Variants in NAALADL2 observed in about 807,000 individuals in gnomAD.
The protein encoded by NAALADL2 is inactive N-acetylated-alpha-linked acidic dipeptidase-like protein 2.
Under a neutral mutation model 87.2 loss-of-function variants are expected in NAALADL2, and 76 were observed. The ratio of observed to expected loss-of-function variants is 0.87; its 90% CI spans 0.72 to 1.05. The LOEUF (loss-of-function observed/expected upper bound fraction) is 1.05. Ranked by LOEUF, NAALADL2 falls within the 50% of genes least tolerant of loss-of-function variation. The pLI is 0.00. For synonymous variants in NAALADL2, 354 were observed against 331.0 expected, an observed-to-expected ratio of 1.07 and a Z score of -0.75; for missense variants, 1,089 against 945.8, an observed-to-expected ratio of 1.15 and a Z score of -1.99.
At chr3:175,587,368 A>G (rs1720685159) in intron 10 of NAALADL2, among the ~76,000 whole-genome samples, 2 of 152,094 alleles carry the variant, frequency 1.3e-5, no homozygotes, top group Non-Finnish European at 2.9e-5. Flanking sequence ...CAGTATTTTC[A>G]GTTTTTTAGT....
intron 9 of NAALADL2, among the ~76,000 whole-genome samples, chr3:175,525,207 C>A (rs552139066): frequency 2.6e-5 from 4 of 152,032 alleles, no homozygotes; most frequent in African/African-American, 9.7e-5. Context: ...CATTTTTTAA[C>A]ACTTCTGTGT....
At chr3:174,580,647 G>C (rs542440194) in intron 2 of NAALADL2, among the ~76,000 whole-genome samples, 1 of 152,014 alleles carries the variant, frequency 6.6e-6, no homozygotes, top group Admixed American at 6.6e-5. Context: ...GATTCATATA[G>C]TATTCTCTCT....
chr3:174,630,630 A>C (rs1722018777), intron 2 of NAALADL2, among the ~76,000 whole-genome samples: 1 of 152,172 alleles, frequency 6.6e-6, no homozygotes, highest in South Asian at 2.1e-4. Flanking sequence ...TTATTGGTAA[A>C]GAAGTCAGTT....
At chr3:174,673,446 T>C (rs545031599) in intron 2 of NAALADL2, among the ~76,000 whole-genome samples, 1 of 152,166 alleles carries the variant, frequency 6.6e-6, no homozygotes, top group Admixed American at 6.6e-5. Flanking sequence ...TGAATGAAGA[T>C]AATGTGGTAT....
chr3:175,577,939 T>C (rs1269098971), intron 10 of NAALADL2, among the ~76,000 whole-genome samples: 1 of 152,154 alleles, frequency 6.6e-6, no homozygotes, highest in Non-Finnish European at 1.5e-5. Flanking sequence ...AAAATATTTA[T>C]CCTATATCAA....
At chr3:175,097,417 A>C in intron 2 of NAALADL2, 126 bp downstream of exon 2, 1 of 844,908 alleles carries the variant, frequency 1.2e-6, no homozygotes, top group South Asian at 1.7e-5. Flanking sequence ...ATATCACCAC[A>C]ACAAGAATAG....
At chr3:175,359,828 T>A (rs1287520172) in intron 5 of NAALADL2, among the ~76,000 whole-genome samples, 1 of 152,126 alleles carries the variant, frequency 6.6e-6, no homozygotes, top group Non-Finnish European at 1.5e-5. Flanking sequence ...AAATGAATTA[T>A]TACTATAAAA....
intron 2 of NAALADL2, among the ~76,000 whole-genome samples, chr3:175,177,526 G>A (rs115297308): frequency 2.0e-5 from 3 of 152,124 alleles, no homozygotes; most frequent in South Asian, 2.1e-4. Context: ...GTTGGCAAAC[G>A]TAACAGTAGT....
chr3:174,815,840 T>A (rs867025628), intron 3 of NAALADL2, among the ~76,000 whole-genome samples: 1 of 148,410 alleles, frequency 6.7e-6, no homozygotes, highest in Non-Finnish European at 1.5e-5. Flanking sequence ...GTTTTTTTTT[T>A]TTTTTTTTTT....
intron 3 of NAALADL2, among the ~76,000 whole-genome samples, chr3:175,251,298 G>C (rs748269227): frequency 9.9e-5 from 15 of 151,964 alleles, no homozygotes; most frequent in Non-Finnish European, 1.9e-4. Context: ...CTTGTTCTTG[G>C]TTATAAAAAT....
chr3:175,689,846 C>T (rs1049209001), intron 11 of NAALADL2, among the ~76,000 whole-genome samples: 7 of 152,084 alleles, frequency 4.6e-5, no homozygotes, highest in African/African-American at 1.2e-4. Flanking sequence ...TTATTAGCTA[C>T]GTTCCAAGAG....
chr3:175,422,424 A>C lies in NAALADL2; in HGVS notation c.1091-24805A>C, dbSNP rs1229641938. On this transcript the variant is annotated intron_variant, in intron 5 of 13. Transcript: ENST00000454872. ...TATCTAAGATGGATTAAACTACTACAGTGTCTTTCCACTCTATACAATATT... is the reference window on the plus strand; with the variant it reads ...TATCTAAGATGGATTAAACTACTACCGTGTCTTTCCACTCTATACAATATT... Among the ~76,000 whole-genome samples the C allele has an allele frequency of 3.9e-5, 6 of 152,186 alleles. No individual in the cohort carries two copies. In the East Asian group the frequency reaches 5.8e-4, roughly 15 times the overall value.
At chr3:174,653,656 A>T (rs1724608706) in intron 2 of NAALADL2, among the ~76,000 whole-genome samples, 1 of 152,160 alleles carries the variant, frequency 6.6e-6, no homozygotes, top group African/African-American at 2.4e-5. Flanking sequence ...TCTTGAATTA[A>T]TAATAGGATT....
At chr3:175,444,532 C>T (rs1720364234) in intron 5 of NAALADL2, among the ~76,000 whole-genome samples, 2 of 152,252 alleles carry the variant, frequency 1.3e-5, no homozygotes, top group Admixed American at 1.3e-4. Flanking sequence ...TTATGCAGGG[C>T]CTGGTACCTT....
chr3:174,942,749 T>C (rs1255038552), intron 1 of NAALADL2, among the ~76,000 whole-genome samples: 1 of 152,210 alleles, frequency 6.6e-6, no homozygotes, highest in South Asian at 2.1e-4. Flanking sequence ...TATTATTTTT[T>C]CCTTAAATTT....
intron 2 of NAALADL2, among the ~76,000 whole-genome samples, chr3:174,580,036 A>G (rs946752166): frequency 8.5e-5 from 13 of 152,106 alleles, no homozygotes; most frequent in Non-Finnish European, 1.6e-4. Flanking sequence ...TTTAAACTTT[A>G]AAATTATTGG....
At chr3:174,951,438 G>A (rs9874809) in intron 1 of NAALADL2, among the ~76,000 whole-genome samples, 38,968 of 151,830 alleles carry the variant, frequency 0.26, 5,566 homozygotes, top group East Asian at 0.48. Flanking sequence ...GAGAAAATAG[G>A]CGGAGTGAAT....
chr3:175,004,524 A>G (rs1359405618), intron 1 of NAALADL2, among the ~76,000 whole-genome samples: 5 of 151,426 alleles, frequency 3.3e-5, no homozygotes, highest in African/African-American at 4.9e-5. Context: ...TACCTCAAAC[A>G]CATTATTTTT....
intron 1 of NAALADL2, among the ~76,000 whole-genome samples, chr3:174,878,492 A>AT (rs1383445223): frequency 2.6e-5 from 4 of 151,994 alleles, no homozygotes; most frequent in Non-Finnish European, 5.9e-5. Flanking sequence ...CATGTTTTGG[A>AT]TTTGGCTTTT....
Sources: allele counts gnomAD v4.1 joint callset (sites outside exome capture counted in the v4.1 genomes callset), GRCh38; gene constraint gnomAD v4.1.1; transcripts MANE v1.5; gene names NCBI Gene and HGNC (gene_info 2026-07-23, HGNC 2026-07-21).